The following TAFA2 variants were observed in gnomAD, a reference collection of about 807,000 sequenced individuals.
The protein encoded by TAFA2 is TAFA chemokine like family member 2.
In TAFA2, 7 loss-of-function variants were observed where a neutral mutation model predicts 18.8. That is an observed-to-expected ratio of 0.37 (90% CI 0.21 to 0.70). The LOEUF is 0.70. Ranked by LOEUF, TAFA2 falls within the 30% of genes least tolerant of loss-of-function variation. TAFA2 has a pLI of 0.53. For synonymous variants in TAFA2, 60 were observed against 54.2 expected (o/e 1.11, Z -0.47); for missense variants, 122 against 158.1 (o/e 0.77, Z 1.23).
chr12:61,933,796 C>A (rs1877658715), intron 1 of TAFA2, among the ~76,000 whole-genome samples: 1 of 152,108 alleles, frequency 6.6e-6, no homozygotes, highest in African/African-American at 2.4e-5. Flanking sequence ...TTGTTGAAGG[C>A]TTTATAAGCT....
intron 1 of TAFA2, among the ~76,000 whole-genome samples, chr12:62,105,182 G>C (rs1204477428): frequency 6.6e-6 from 1 of 152,026 alleles, no homozygotes; most frequent in African/African-American, 2.4e-5. Flanking sequence ...ATATGTGACT[G>C]CTCCGAGTCC....
chr12:61,948,444 T>C (rs1455576458), intron 1 of TAFA2, among the ~76,000 whole-genome samples: 1 of 152,084 alleles, frequency 6.6e-6, no homozygotes, highest in African/African-American at 2.4e-5. Context: ...CATAGAAGTA[T>C]ATGAGAGCAA....
intron 4 of TAFA2, 23 bp from the exon 5 acceptor site, chr12:61,710,440 A>G (rs369194870): frequency 5.3e-5 from 84 of 1,574,526 alleles, no homozygotes; most frequent in Middle Eastern, 1.7e-4. Context: ...GAGAAAATAT[A>G]GTCAACATTT....
At chr12:61,774,807 G>GAAATAAA (rs1396358429) in intron 2 of TAFA2, among the ~76,000 whole-genome samples, 2 of 151,006 alleles carry the variant, frequency 1.3e-5, no homozygotes, top group East Asian at 3.9e-4. Flanking sequence ...TAAACCTATT[G>GAAATAAA]AAATAAAAAA....
chr12:62,107,316 C>T (rs569733376), intron 1 of TAFA2, among the ~76,000 whole-genome samples: 64 of 151,638 alleles, frequency 4.2e-4, no homozygotes, highest in Middle Eastern at 3.4e-3. Context: ...CCTCAAAATG[C>T]CAGAAGAGAA....
chr12:62,173,387 G>T (rs2136943217), intron 1 of TAFA2, among the ~76,000 whole-genome samples: 1 of 152,260 alleles, frequency 6.6e-6, no homozygotes, highest in Non-Finnish European at 1.5e-5. Flanking sequence ...ACTCCAGCCT[G>T]GGTGACAGAG....
intron 1 of TAFA2, among the ~76,000 whole-genome samples, chr12:61,878,891 T>G (rs1364359361): frequency 6.6e-6 from 1 of 152,182 alleles, no homozygotes; most frequent in East Asian, 1.9e-4. Flanking sequence ...GTGACCATCC[T>G]TGGTTCACAT....
chr12:61,819,023 TC>T (rs1283574190), intron 2 of TAFA2, among the ~76,000 whole-genome samples: 36 of 152,172 alleles, frequency 2.4e-4, no homozygotes, highest in Non-Finnish European at 3.5e-4. Flanking sequence ...CCTAACCTAG[TC>T]CCCATCCAGC....
chr12:61,795,572 G>A (rs1467210297), intron 2 of TAFA2, among the ~76,000 whole-genome samples: 5 of 151,926 alleles, frequency 3.3e-5, no homozygotes, highest in Admixed American at 6.6e-5. Context: ...ACACACCAGG[G>A]CCTGTTGGGT....
At chr12:61,808,511 A>T in intron 2 of TAFA2, among the ~76,000 whole-genome samples, 1 of 151,504 alleles carries the variant, frequency 6.6e-6, no homozygotes, top group Non-Finnish European at 1.5e-5. Context: ...ACTCCATGGG[A>T]AAACTAACCT....
intron 1 of TAFA2, among the ~76,000 whole-genome samples, chr12:62,009,689 C>T (rs528412784): frequency 3.3e-5 from 5 of 152,324 alleles, no homozygotes; most frequent in African/African-American, 1.2e-4. Context: ...ATTTATTACT[C>T]ACAGAAAGTA....
intron 1 of TAFA2, among the ~76,000 whole-genome samples, chr12:62,015,201 ATTTG>A (rs576523683): frequency 2.2e-3 from 334 of 152,254 alleles, no homozygotes; most frequent in African/African-American, 7.5e-3. Flanking sequence ...CTAATATATC[ATTTG>A]TTTGTTCACT....
At chr12:61,719,782 A>G (rs1310640972) in intron 4 of TAFA2, among the ~76,000 whole-genome samples, 1 of 152,176 alleles carries the variant, frequency 6.6e-6, no homozygotes, top group Non-Finnish European at 1.5e-5. Context: ...TGTCACTTAA[A>G]AGGACTTGAT....
intron 1 of TAFA2, among the ~76,000 whole-genome samples, chr12:61,976,548 C>A (rs575659072): frequency 1.3e-5 from 2 of 151,576 alleles, no homozygotes; most frequent in Admixed American, 6.6e-5. Context: ...TTTTTCATTT[C>A]TTTATTATAC....
chr12:62,116,062 GA>G (rs946905181), intron 1 of TAFA2, among the ~76,000 whole-genome samples: 10 of 152,034 alleles, frequency 6.6e-5, no homozygotes, highest in African/African-American at 2.2e-4. Context: ...GTCTGTTACT[GA>G]AAAAAAATGA....
chr12:61,981,812 G>A (rs1452149895), intron 1 of TAFA2, among the ~76,000 whole-genome samples: 1 of 152,090 alleles, frequency 6.6e-6, no homozygotes, highest in African/African-American at 2.4e-5. Context: ...TGAAACAACA[G>A]ATGCTGGAGA....
intron 4 of TAFA2, among the ~76,000 whole-genome samples, chr12:61,746,912 C>T (rs980968310): frequency 6.6e-6 from 1 of 152,202 alleles, no homozygotes; most frequent in Middle Eastern, 3.4e-3. Context: ...AAAGAAACTA[C>T]CATCAGAGTG....
intron 1 of TAFA2, among the ~76,000 whole-genome samples, chr12:62,052,619 A>G (rs947283265): frequency 1.3e-5 from 2 of 152,160 alleles, no homozygotes; most frequent in African/African-American, 2.4e-5. Flanking sequence ...CTGGCAATCA[A>G]TAAGAAGCAG....
At chr12:61,973,876 G>A (rs552377843) in intron 1 of TAFA2, among the ~76,000 whole-genome samples, 1 of 151,752 alleles carries the variant, frequency 6.6e-6, no homozygotes, top group South Asian at 2.1e-4. Context: ...CCAAAATGCA[G>A]CCAAGTTTGA....
Sources: gnomAD v4.1 joint callset for allele counts (sites outside exome capture counted in the v4.1 genomes callset) on GRCh38, gnomAD v4.1.1 for gene constraint, MANE v1.5 for transcripts, NCBI Gene and HGNC (gene_info 2026-07-23, HGNC 2026-07-21) for gene names.